Variants in ASMT observed in about 807,000 individuals in gnomAD.
The protein encoded by ASMT is acetylserotonin O-methyltransferase.
ASMT carries 53 observed loss-of-function variants against 41.3 expected under a neutral mutation model. The observed-to-expected ratio is 1.28, with a 90% CI of 1.03 to 1.61. ASMT has a LOEUF of 1.61. Ranked by LOEUF, ASMT falls within the 40% of genes most tolerant of loss-of-function variation. The pLI is 0.00. For missense variants in ASMT, 531 were observed against 441.3 expected (o/e 1.20, Z -1.82); for synonymous variants, 231 against 184.8 (o/e 1.25, Z -2.03).
In ASMT at chrX:1,628,930, C is replaced by A. The variant is rs1303631520; in HGVS notation, c.444-891C>A. On this transcript the variant is annotated intron_variant, in intron 4 of 8. Coordinates refer to ENST00000381241, the MANE Select transcript of ASMT (RefSeq NM_001171038.2). ...TTTCCTTTCCCCCGTTTCTCTCTTT[C>A]TTTCTCTCTCTCTTTCTTTCTTTCC... 3.1e-3 allele frequency among the ~76,000 whole-genome samples: 368 copies of A among 119,968 alleles called. 2 individuals carry two copies. The highest frequency in any genetic ancestry group is 0.012 in the African/African-American group (348 of 28,974). 78.7% of individuals were successfully genotyped at this position (119,968 alleles called of 152,430 possible).
intron 7 of ASMT, among the ~76,000 whole-genome samples, chrX:1,633,544 C>T (rs752473575): frequency 5.9e-5 from 9 of 152,104 alleles, no homozygotes; most frequent in Admixed American, 1.3e-4. Context: ...GGTGCAGTCT[C>T]GGCTCACTGC....
At chrX:1,623,454 C>A in intron 2 of ASMT, 141 bp downstream of exon 2, 1 of 1,112,342 alleles carries the variant, frequency 9.0e-7, no homozygotes, top group Non-Finnish European at 1.3e-6. Context: ...AAAAAATTAG[C>A]CGGGTGTGGT....
intron 1 of ASMT, among the ~76,000 whole-genome samples, chrX:1,617,957 G>C (rs1339605412): frequency 6.6e-6 from 1 of 152,042 alleles, no homozygotes; most frequent in Non-Finnish European, 1.5e-5. Flanking sequence ...GAAAATTAGA[G>C]TGAAGTCTCT....
chrX:1,622,792 A>G (rs1264308357), intron 1 of ASMT, among the ~76,000 whole-genome samples: 2 of 151,554 alleles, frequency 1.3e-5, no homozygotes, highest in Admixed American at 1.3e-4. Flanking sequence ...CAGGCCTGTA[A>G]TCCCAGCTAC....
Position 1,633,262 on chromosome X carries a change from G to A in ASMT, c.759G>A (p.Gln253=). ...VWTAKQHFSF[Q]EEEQIDFQEG... The stretch of plus-strand genomic sequence containing the variant: ...CGGCAAAGCAGCACTTCTCATTCCA[G>A]GAGGAAGAACAGATTGACTTCCAGG... Residue 253 remains glutamine, a synonymous_variant, in exon 7 of 9, where the codon CAG becomes CAA. Coordinates refer to ENST00000381241, the MANE Select transcript of ASMT (RefSeq NM_001171038.2). 6.2e-7 allele frequency: 1 copy of A among 1,613,902 alleles called. No homozygotes were observed. Among genetic ancestry groups the A allele is most frequent in the Non-Finnish European group, 8.5e-7 (1 of 1,179,856 alleles).
At chrX:1,621,648 AT>A (rs1398153242) in intron 1 of ASMT, among the ~76,000 whole-genome samples, 1 of 151,478 alleles carries the variant, frequency 6.6e-6, no homozygotes, top group Non-Finnish European at 1.5e-5. Context: ...TTTGTGTATT[AT>A]TTGAAGGCAT....
At chrX:1,633,081 G>T in intron 6 of ASMT, 69 bp from the exon 7 acceptor site, 1 of 1,592,640 alleles carries the variant, frequency 6.3e-7, no homozygotes, top group Non-Finnish European at 8.6e-7. Context: ...TGAGTCCATG[G>T]TGTGTGGAGG....
chrX:1,622,950 T>A (rs112103079), intron 1 of ASMT, among the ~76,000 whole-genome samples, 189 bp from the exon 2 acceptor site: 20,018 of 150,906 alleles, frequency 0.13, 1,391 homozygotes, highest in Admixed American at 0.23. Context: ...AATAAATAAA[T>A]AAATATGACT....
In ASMT at chrX:1,632,078, A is replaced by G. The variant is rs181221429; in HGVS notation, c.563-626A>G. Among the ~76,000 whole-genome samples the G allele has an allele frequency of 2.3e-3, 343 of 152,218 alleles. 1 individual carries two copies. The highest frequency in any genetic ancestry group is 8.0e-3 in the African/African-American group (333 of 41,536). Reference sequence around the variant, plus strand: ...AAATAAAAAGACTGACTTTCTACAGAAATAATGGACAAGGAGCATGGGGCT... The same window carrying G: ...AAATAAAAAGACTGACTTTCTACAGGAATAATGGACAAGGAGCATGGGGCT... On this transcript the variant is annotated intron_variant, in intron 5 of 8. Coordinates refer to ENST00000381241, the MANE Select transcript of ASMT (RefSeq NM_001171038.2).
Position 1,620,666 on chromosome X carries a change from C to T in ASMT, c.70-2473C>T, listed in dbSNP as rs1377017656. 4.6e-5 allele frequency among the ~76,000 whole-genome samples: 7 copies of T among 151,722 alleles called. No homozygotes were observed. In the South Asian group the frequency reaches 6.2e-4, roughly 13 times the overall value. On this transcript the variant is annotated intron_variant, in intron 1 of 8. Transcript: ENST00000381241. ...AAACAACTAATACACTTTGGGAGAC[C>T]GAGGCAGGCAGATCACGAGGTCAGG... is the stretch of plus-strand genomic sequence containing the variant.
intron 8 of ASMT, among the ~76,000 whole-genome samples, chrX:1,641,546 G>GC (rs1935166187): frequency 6.9e-6 from 1 of 144,110 alleles, no homozygotes; most frequent in East Asian, 2.1e-4. Flanking sequence ...CAGTGTCCCA[G>GC]TTCTCCTGTG....
intron 4 of ASMT, among the ~76,000 whole-genome samples, chrX:1,629,157 C>A (rs1187024295): frequency 6.6e-6 from 1 of 151,828 alleles, no homozygotes; most frequent in African/African-American, 2.4e-5. Flanking sequence ...GCACAAGTAC[C>A]CATGTCTTCC....
chrX:1,641,484 A>G (rs113254531), intron 8 of ASMT, among the ~76,000 whole-genome samples: 8 of 145,866 alleles, frequency 5.5e-5, no homozygotes, highest in Non-Finnish European at 1.1e-4. Flanking sequence ...AGGTCCATCC[A>G]TCCTGATGGT....
rs1460293013 is a variant in ASMT, at chrX:1,637,099, C to T, written c.910+539C>T. Among the ~76,000 whole-genome samples, 11 of 117,820 alleles carry T rather than the reference C, an allele frequency of 9.3e-5. 1 individual carries two copies. Among genetic ancestry groups the T allele is most frequent in the Admixed American group, 4.2e-4 (5 of 11,916 alleles). The allele number at this position is 117,820 out of a possible 152,430, so 77.3% of individuals were successfully genotyped here. ...TCTGTGTGTGAGATAAGGACTGTGT[C>T]CCAGCTCTCCTGTGAGGTCCACCCA... On this transcript the variant is annotated intron_variant, in intron 8 of 8. Coordinates refer to ENST00000381241, the MANE Select transcript of ASMT (RefSeq NM_001171038.2).
intron 3 of ASMT, among the ~76,000 whole-genome samples, chrX:1,627,381 G>C (rs866765993): frequency 4.6e-5 from 7 of 150,824 alleles, no homozygotes; most frequent in Middle Eastern, 3.4e-3. Context: ...CACCACTTTG[G>C]GAGGCCGAGG....
chrX:1,615,300 A>G, intron 1 of ASMT, 32 bp downstream of exon 1: 1 of 1,555,470 alleles, frequency 6.4e-7, no homozygotes, highest in South Asian at 1.2e-5. Flanking sequence ...AAGGGGGAAT[A>G]GACTTCCGTT....
At chrX:1,629,098 G>A (rs1293996978) in intron 4 of ASMT, among the ~76,000 whole-genome samples, 4 of 141,800 alleles carry the variant, frequency 2.8e-5, no homozygotes, top group African/African-American at 8.0e-5. Flanking sequence ...ATATATATAT[G>A]TGTGTATACA....
rs771669042 is a variant in ASMT at position 1,627,809 on chromosome X, G to C, written c.443+38G>C. ...ACTTTGAAACCAACAACTCAGATAA[G>C]ATTCTGTTTATTTTTAAAGGACTTA... On this transcript the variant is annotated intron_variant, in intron 4 of 8. Coordinates refer to ENST00000381241, the MANE Select transcript of ASMT (RefSeq NM_001171038.2). 17 of 1,587,022 alleles carry C rather than the reference G, an allele frequency of 1.1e-5. No individual in the cohort carries two copies. The South Asian group carries it at 1.8e-4, about 17-fold the overall frequency.
At chrX:1,633,537 G>A (rs1471896557) in intron 7 of ASMT, among the ~76,000 whole-genome samples, 1 of 151,982 alleles carries the variant, frequency 6.6e-6, no homozygotes, top group Admixed American at 6.6e-5. Flanking sequence ...GTGCAGTGGT[G>A]CAGTCTCGGC....
Sources: gnomAD v4.1 joint callset for allele counts (sites outside exome capture counted in the v4.1 genomes callset) on GRCh38, gnomAD v4.1.1 for gene constraint, MANE v1.5 for transcripts, NCBI Gene and HGNC (gene_info 2026-07-23, HGNC 2026-07-21) for gene names.